Variants in NCOA6 observed in about 807,000 individuals in gnomAD.
NCOA6 encodes the protein NRC RAP250.
Under a neutral mutation model 171.4 loss-of-function variants are expected in NCOA6, and 49 were observed. The observed-to-expected ratio is 0.29, with a 90% confidence interval of 0.23 to 0.36. The LOEUF (loss-of-function observed/expected upper bound fraction) is 0.36, where lower values mean the gene tolerates loss of function less well. Ranked by LOEUF, NCOA6 falls within the 10% of genes least tolerant of loss-of-function variation. The probability of loss-of-function intolerance (pLI) is 1.00; values close to 1 mark genes in which losing one functional copy is unlikely to be tolerated. For synonymous variants in NCOA6, 910 were observed against 927.5 expected, an observed-to-expected ratio of 0.98 and a Z score of 0.34; for missense variants, 2,248 against 2,554.5, an observed-to-expected ratio of 0.88 and a Z score of 2.59.
intron 2 of NCOA6, among the ~76,000 whole-genome samples, chr20:34,791,396 G>A (rs928061795): frequency 6.6e-6 from 1 of 152,190 alleles, no homozygotes; most frequent in African/African-American, 2.4e-5. Context: ...GTCAGATAAA[G>A]ATTTACATAG....
At chr20:34,814,654 T>C (rs957288384) in intron 1 of NCOA6, among the ~76,000 whole-genome samples, 2 of 152,194 alleles carry the variant, frequency 1.3e-5, no homozygotes, top group African/African-American at 2.4e-5. Context: ...TGCTACGGCA[T>C]GATCTTGGCT....
chr20:34,733,841 A>G (rs1202158462), intron 12 of NCOA6, among the ~76,000 whole-genome samples: 1 of 117,540 alleles, frequency 8.5e-6, no homozygotes, highest in Non-Finnish European at 1.7e-5. Context: ...ACAGAGCAAG[A>G]CTCTGTCCCA....
intron 1 of NCOA6, chr20:34,819,481 T>C (rs2078938757): frequency 6.6e-6 from 1 of 152,180 alleles, no homozygotes; most frequent in South Asian, 2.1e-4. Flanking sequence ...GGTTGCCAGT[T>C]TGCAACCTCT....
intron 3 of NCOA6, among the ~76,000 whole-genome samples, chr20:34,779,907 C>A (rs1408561604): frequency 6.6e-6 from 1 of 152,114 alleles, no homozygotes; most frequent in African/African-American, 2.4e-5. Flanking sequence ...AAAGATTAGA[C>A]AATATTTAGT....
intron 1 of NCOA6, among the ~76,000 whole-genome samples, chr20:34,824,235 T>C (rs143419135): frequency 6.6e-4 from 100 of 152,346 alleles, no homozygotes; most frequent in East Asian, 7.7e-4. Context: ...TTATGCTTCA[T>C]TTCTTAACAC....
chr20:34,812,058 G>C (rs541979133), intron 1 of NCOA6, among the ~76,000 whole-genome samples: 1 of 151,820 alleles, frequency 6.6e-6, no homozygotes, highest in South Asian at 2.1e-4. Flanking sequence ...GACCAGCCTG[G>C]CCAACATGGT....
chr20:34,716,824 G>GCT (rs1462472494), intron 14 of NCOA6, among the ~76,000 whole-genome samples: 1 of 151,552 alleles, frequency 6.6e-6, no homozygotes, highest in African/African-American at 2.4e-5. Flanking sequence ...ATAGCCTGAA[G>GCT]CTCTCCAAAG....
intron 12 of NCOA6, among the ~76,000 whole-genome samples, chr20:34,733,271 CTTTT>C (rs1485566049): frequency 3.9e-5 from 6 of 152,194 alleles, no homozygotes; most frequent in Non-Finnish European, 8.8e-5. Context: ...GTAGTTCCAT[CTTTT>C]CCAAAAGCCT....
chr20:34,778,758 T>TA (rs1264685305), intron 3 of NCOA6, among the ~76,000 whole-genome samples: 2 of 151,772 alleles, frequency 1.3e-5, no homozygotes, highest in African/African-American at 4.8e-5. Context: ...TGAAAAGAGT[T>TA]ACATCCTGGC....
At chr20:34,720,881 A>T (rs1277840229) in intron 14 of NCOA6, among the ~76,000 whole-genome samples, 2 of 152,214 alleles carry the variant, frequency 1.3e-5, no homozygotes, top group Non-Finnish European at 2.9e-5. Context: ...TTTTGGATAC[A>T]ATATACAGGC....
chr20:34,788,311 G>A (rs1174408563), intron 2 of NCOA6, among the ~76,000 whole-genome samples: 3 of 151,978 alleles, frequency 2.0e-5, no homozygotes, highest in Admixed American at 6.6e-5. Flanking sequence ...TGATCCACCC[G>A]CCTCGGCCTC....
rs2076130927 is a variant in NCOA6 at position 34,741,192 on chromosome 20, G to C, written c.5064C>G (p.Gly1688=). The change falls in exon 11 of 15, where the codon GGC becomes GGG. Residue 1688 remains glycine (G), a synonymous_variant. Coordinates refer to ENST00000359003, the MANE Select transcript of NCOA6 (RefSeq NM_014071.5). ...CAACTGCAACAGAGGGAGGCATCAG[G>C]CCAGAGTTGGTTGTCAGTGGGGCTG... The part of the protein sequence containing the change: ...IPAAPLTTNS[G]LMPPSVAVVG... 6.2e-7 allele frequency: 1 copy of C among 1,614,240 alleles called. No homozygotes were observed. Among genetic ancestry groups the C allele is most frequent in the African/African-American group, 1.3e-5 (1 of 75,054 alleles).
At position 34,754,541 on chromosome 20, in the gene NCOA6, G is replaced by A. The variant is rs373513828; in HGVS notation, c.1675+181C>T. Among the ~76,000 whole-genome samples, 7 of 152,118 alleles carry A rather than the reference G, an allele frequency of 4.6e-5. No homozygotes were observed. The South Asian group carries it at 1.5e-3, about 32-fold the overall frequency. Reference sequence around the variant, plus strand: ...CTCTTAGATGTTTCTGAGTTCCTGTGACATTTTACCTACTTTTGATATATT... The same window carrying A: ...CTCTTAGATGTTTCTGAGTTCCTGTAACATTTTACCTACTTTTGATATATT... On this transcript the variant is annotated intron_variant, in intron 8 of 14. Transcript: ENST00000359003.
chr20:34,745,717 G>A (rs1399867954), intron 10 of NCOA6, among the ~76,000 whole-genome samples: 2 of 152,178 alleles, frequency 1.3e-5, no homozygotes, highest in Admixed American at 1.3e-4. Context: ...AGGGGAGAGT[G>A]GCCTAAGTGT....
intron 14 of NCOA6, among the ~76,000 whole-genome samples, chr20:34,726,323 G>A (rs1989949067): frequency 6.6e-6 from 1 of 152,150 alleles, no homozygotes; most frequent in Non-Finnish European, 1.5e-5. Context: ...GAAGCTGAGG[G>A]AATTCTATTT....
chr20:34,776,835 T>G (rs2077338915), intron 3 of NCOA6: 2 of 448,444 alleles, frequency 4.5e-6, no homozygotes, highest in South Asian at 3.2e-5. Flanking sequence ...AGGTTAAGTT[T>G]AAATTAATAG....
intron 4 of NCOA6, among the ~76,000 whole-genome samples, chr20:34,773,210 AGCCAAAAATATTTATTCTT>A (rs1466919475): frequency 6.6e-6 from 1 of 152,214 alleles, no homozygotes; most frequent in Non-Finnish European, 1.5e-5. Context: ...TGGCCTGCAA[AGCCAAAAATATTTATTCTT>A]GGCCCTTTAC....
At chr20:34,787,339 C>T (rs1359783809) in intron 2 of NCOA6, among the ~76,000 whole-genome samples, 1 of 151,802 alleles carries the variant, frequency 6.6e-6, no homozygotes, top group Non-Finnish European at 1.5e-5. Context: ...CTCCTGCCAA[C>T]ACAGTAAGAC....
At position 34,775,689 on chromosome 20, in the gene NCOA6, A is replaced by AG. The variant is rs1434292751; in HGVS notation, c.391+603_391+604insC. Among the ~76,000 whole-genome samples, 184 of 103,540 alleles carry AG rather than the reference A, an allele frequency of 1.8e-3. 3 individuals carry two copies. Among genetic ancestry groups the AG allele is most frequent in the Middle Eastern group, 0.014 (3 of 222 alleles). 67.9% of individuals were successfully genotyped at this position (103,540 alleles called of 152,430 possible). A position where few individuals can be genotyped will look rare whatever the true frequency, so the allele number is the denominator to read the frequency against. On this transcript the variant is annotated intron_variant, in intron 4 of 14. Transcript: ENST00000359003. ...CTCTGTCTCAAAAAAAAAAAAAAAA[A>AG]AAAGAAAAAAAAAAGAAAAGAAAAT... is the stretch of plus-strand genomic sequence containing the variant.
Sources: gnomAD v4.1 joint callset for allele counts (sites outside exome capture counted in the v4.1 genomes callset) on GRCh38, gnomAD v4.1.1 for gene constraint, MANE v1.5 for transcripts, NCBI Gene and HGNC (gene_info 2026-07-23, HGNC 2026-07-21) for gene names.